SULF2: variants seen among roughly 807,000 people sequenced by gnomAD.
SULF2 encodes the protein sulfatase 2.
A neutral mutation model predicts 107.7 loss-of-function variants in SULF2; 52 were observed. That is an observed-to-expected ratio of 0.48 (90% confidence interval 0.39 to 0.61). The LOEUF (loss-of-function observed/expected upper bound fraction) is 0.61, where lower values mean the gene tolerates loss of function less well. SULF2 is among the 20% of genes least tolerant of loss of function. The pLI, the probability that SULF2 is intolerant of heterozygous loss-of-function variation, is 0.00. For synonymous variants in SULF2, 460 were observed against 464.3 expected (o/e 0.99, Z 0.12); for missense variants, 993 against 1,177.3 (o/e 0.84, Z 2.29).
intron 1 of SULF2, among the ~76,000 whole-genome samples, chr20:47,768,889 T>C (rs2090575618): frequency 6.7e-6 from 1 of 149,920 alleles, no homozygotes; most frequent in South Asian, 2.1e-4. Context: ...CGTGTTTTTT[T>C]TTTTTTTTTT....
chr20:47,666,430 G>T lies in SULF2; in HGVS notation c.1635C>A (p.Asp545Glu). The change falls in exon 12 of 21, where the codon GAC (aspartate) becomes GAA (glutamate). Residue 545 changes from aspartate (D) to glutamate (E), a missense_variant. Coordinates refer to ENST00000688720, the MANE Select transcript of SULF2 (RefSeq NM_001387048.1). The surrounding 1 kb of genome is among the most constrained non-coding windows in gnomAD (Gnocchi z 5.4). Reference protein sequence around the residue: ...RSIRSVAIEVDGRVYHVGLGD... With the variant: ...RSIRSVAIEVEGRVYHVGLGD... ...CCAGGCCTACGTGGTACACCCTGCC[G>T]TCCACCTCGATGGCCACTGAGCGGA... 6.2e-7 allele frequency: 1 copy of T among 1,613,822 alleles called. No individual in the cohort carries two copies. Among genetic ancestry groups the T allele is most frequent in the Non-Finnish European group, 8.5e-7 (1 of 1,180,030 alleles).
rs140890334 is a variant in SULF2 at position 47,702,822 on chromosome 20, C to T, written c.416-152G>A. ...ATGGATCCCTTCTCCAATGTTATTA[C>T]GTGCATTGAATACAAGATATAGGAT... On this transcript the variant is annotated intron_variant, in intron 3 of 20. Transcript: ENST00000688720. The T allele has an allele frequency of 6.4e-3, 3,989 of 627,258 alleles. 47 individuals are homozygous for T. Among genetic ancestry groups the T allele is most frequent in the Middle Eastern group, 0.041 (95 of 2,338 alleles). 38.9% of individuals were successfully genotyped at this position (627,258 alleles called of 1,614,324 possible). A position where few individuals can be genotyped will look rare whatever the true frequency, so the allele number is the denominator to read the frequency against.
At chr20:47,770,004 G>C (rs2090599096) in intron 1 of SULF2, among the ~76,000 whole-genome samples, 1 of 151,130 alleles carries the variant, frequency 6.6e-6, no homozygotes, top group African/African-American at 2.4e-5. Flanking sequence ...ACGGAGCTGA[G>C]TGAAGGGGGC....
intron 1 of SULF2, among the ~76,000 whole-genome samples, chr20:47,780,692 T>A (rs904084209): frequency 6.6e-6 from 1 of 152,174 alleles, no homozygotes; most frequent in Non-Finnish European, 1.5e-5. Context: ...TAGCTGGAAT[T>A]ACAGGCAAGC....
intron 1 of SULF2, among the ~76,000 whole-genome samples, chr20:47,775,208 G>A (rs2146982795): frequency 6.6e-6 from 1 of 152,296 alleles, no homozygotes; most frequent in African/African-American, 2.4e-5. Flanking sequence ...TGCTGTGCCG[G>A]TTTTGCGGTT....
At chr20:47,672,503 A>G in intron 10 of SULF2, 110 bp from the exon 11 acceptor site, 1 of 1,438,860 alleles carries the variant, frequency 6.9e-7, no homozygotes, top group Non-Finnish European at 9.1e-7. Flanking sequence ...GCTTGCATCC[A>G]GCTGTTACCG....
chr20:47,671,783 C>G, intron 11 of SULF2, among the ~76,000 whole-genome samples: 1 of 152,090 alleles, frequency 6.6e-6, no homozygotes, highest in Non-Finnish European at 1.5e-5. Flanking sequence ...GGCACAATCT[C>G]GGGTCACTGC....
chr20:47,674,228 A>G (rs2087566657), intron 10 of SULF2, among the ~76,000 whole-genome samples: 1 of 152,280 alleles, frequency 6.6e-6, no homozygotes, highest in African/African-American at 2.4e-5. Flanking sequence ...AGCCGTGTCC[A>G]CATGGCCCGT....
chr20:47,753,411 A>G (rs1197143928), intron 2 of SULF2, among the ~76,000 whole-genome samples: 3 of 152,238 alleles, frequency 2.0e-5, no homozygotes, highest in Non-Finnish European at 4.4e-5. Context: ...TGAGGCCAAG[A>G]AGAAAGTCTT....
chr20:47,763,781 C>T (rs116192116), intron 1 of SULF2, among the ~76,000 whole-genome samples: 223 of 152,314 alleles, frequency 1.5e-3, no homozygotes, highest in African/African-American at 5.3e-3. Flanking sequence ...TTCCAACAGC[C>T]TCCTAACTGG....
At chr20:47,737,721 C>T (rs966618455) in intron 2 of SULF2, among the ~76,000 whole-genome samples, 4 of 145,950 alleles carry the variant, frequency 2.7e-5, no homozygotes, top group Non-Finnish European at 3.0e-5. Flanking sequence ...TTCGAGGTTT[C>T]GGTCATGCCT....
intron 3 of SULF2, among the ~76,000 whole-genome samples, chr20:47,719,681 C>T (rs1425469619): frequency 6.6e-6 from 1 of 152,188 alleles, no homozygotes; most frequent in Non-Finnish European, 1.5e-5. Context: ...AGTGGGCTGG[C>T]GCCACTTAGG....
chr20:47,676,229 G>T (rs375284123), intron 10 of SULF2, among the ~76,000 whole-genome samples: 17 of 152,326 alleles, frequency 1.1e-4, no homozygotes, highest in African/African-American at 4.1e-4. Flanking sequence ...ATCGGCAAGG[G>T]CTAGAGAGGC....
chr20:47,719,132 T>C (rs1462257831), intron 3 of SULF2, among the ~76,000 whole-genome samples: 1 of 152,246 alleles, frequency 6.6e-6, no homozygotes, highest in Non-Finnish European at 1.5e-5. Context: ...CTTCTTAAAA[T>C]ATCATTTGAG....
At chr20:47,780,001 T>C (rs1056782920) in intron 1 of SULF2, among the ~76,000 whole-genome samples, 3 of 149,102 alleles carry the variant, frequency 2.0e-5, no homozygotes, top group Middle Eastern at 3.6e-3. Context: ...CTCCTGACCC[T>C]CTACCCTAGT....
chr20:47,733,592 G>T (rs2089664347), intron 3 of SULF2, among the ~76,000 whole-genome samples: 2 of 152,168 alleles, frequency 1.3e-5, no homozygotes, highest in African/African-American at 4.8e-5. Flanking sequence ...GGCCAACATG[G>T]CAAAACCCCA....
chr20:47,674,484 C>T (rs1602611517), intron 10 of SULF2, among the ~76,000 whole-genome samples: 1 of 152,228 alleles, frequency 6.6e-6, no homozygotes, highest in African/African-American at 2.4e-5. Flanking sequence ...CTTACACTCA[C>T]GTGTTGCCCG....
At chr20:47,697,078 A>G (rs754309472) in intron 4 of SULF2, among the ~76,000 whole-genome samples, 2 of 152,090 alleles carry the variant, frequency 1.3e-5, no homozygotes, top group Non-Finnish European at 1.5e-5. Context: ...GTGCACTGCC[A>G]TCACCTCCCT....
rs770226578 is a variant in SULF2 at position 47,710,593 on chromosome 20, C to T, written c.416-7923G>A. Among the ~76,000 whole-genome samples, 5 of 150,120 alleles carry T rather than the reference C, an allele frequency of 3.3e-5. 1 individual carries two copies. Among genetic ancestry groups the T allele is most frequent in the African/African-American group, 7.6e-5 (3 of 39,484 alleles). The stretch of plus-strand genomic sequence containing the variant: ...TTCTCAGCATGTATCCCCATTGTTA[C>T]GTGACACACGACTGTACATTGCTTG... On this transcript the variant is annotated intron_variant, in intron 3 of 20. Transcript: ENST00000688720.
Sources: allele counts gnomAD v4.1 joint callset (sites outside exome capture counted in the v4.1 genomes callset), GRCh38; gene constraint gnomAD v4.1.1; non-coding constraint Gnocchi (gnomAD v3.1); transcripts MANE v1.5; gene names NCBI Gene and HGNC (gene_info 2026-07-23, HGNC 2026-07-21).